The following ANKS1A variants were observed in gnomAD, a reference collection of about 807,000 sequenced individuals.
ANKS1A encodes ankyrin repeat and sterile alpha motif domain containing 1A.
A neutral mutation model predicts 120.3 loss-of-function variants in ANKS1A; 55 were observed. The ratio of observed to expected loss-of-function variants is 0.46; its 90% confidence interval spans 0.37 to 0.57. ANKS1A has a LOEUF of 0.57. Ranked by LOEUF, ANKS1A falls within the 20% of genes least tolerant of loss-of-function variation. The pLI, the probability that ANKS1A is intolerant of heterozygous loss-of-function variation, is 0.00. For missense variants in ANKS1A, 1,123 were observed against 1,480.3 expected (o/e 0.76, Z 3.96); for synonymous variants, 590 against 604.7 (o/e 0.98, Z 0.36).
chr6:35,006,737 A>G (rs1029190197), intron 10 of ANKS1A, among the ~76,000 whole-genome samples: 5 of 152,246 alleles, frequency 3.3e-5, no homozygotes, highest in Non-Finnish European at 5.9e-5. Flanking sequence ...CCTGGGTGAC[A>G]GAGCGAGACT....
intron 1 of ANKS1A, among the ~76,000 whole-genome samples, chr6:34,925,157 C>T (rs1350183961): frequency 6.6e-6 from 1 of 152,170 alleles, no homozygotes; most frequent in East Asian, 1.9e-4. Context: ...ATATTAACAT[C>T]TTGTTTTTTT....
At chr6:34,924,208 G>T (rs932781195) in intron 1 of ANKS1A, among the ~76,000 whole-genome samples, 3 of 152,000 alleles carry the variant, frequency 2.0e-5, no homozygotes, top group African/African-American at 4.8e-5. Flanking sequence ...GTTGGTCAGG[G>T]TGTGGTTTTT....
the ANKS1A span, among the ~76,000 whole-genome samples, chr6:35,096,804 T>A: frequency 1.3e-5 from 2 of 152,182 alleles, no homozygotes; most frequent in African/African-American, 4.8e-5. Flanking sequence ...CAGCCAGCTA[T>A]ATAATATGGC....
chr6:34,926,065 G>A (rs570654333), intron 1 of ANKS1A, among the ~76,000 whole-genome samples: 1 of 152,316 alleles, frequency 6.6e-6, no homozygotes, highest in Admixed American at 6.5e-5. Flanking sequence ...CTTGTTATAT[G>A]TGTTAACCTG....
intron 13 of ANKS1A, among the ~76,000 whole-genome samples, chr6:35,067,151 C>T (rs904770718): frequency 3.0e-4 from 45 of 152,252 alleles, no homozygotes; most frequent in African/African-American, 1.1e-3. Flanking sequence ...TATTTCCCAT[C>T]ATTATTAAGA....
In ANKS1A at chr6:35,085,840, G is replaced by T. The variant is rs541132748; in HGVS notation, c.3207G>T (p.Gln1069His). 5.0e-6 allele frequency: 8 copies of T among 1,613,624 alleles called. No individual in the cohort carries two copies. In the East Asian group the frequency reaches 1.6e-4, roughly 31 times the overall value. Residue 1069 changes from glutamine (Q) to histidine (H), a missense_variant, in exon 22 of 24, where the codon CAG becomes CAT. Gln to His is a conservative substitution (Grantham distance 24). This residue lies in a region of ANKS1A where 904 missense variants were observed against 1,130.4 expected (regional missense o/e 0.80). Coordinates refer to ENST00000360359, the MANE Select transcript of ANKS1A (RefSeq NM_015245.3). The surrounding 1 kb of genome is among the most constrained non-coding windows in gnomAD (Gnocchi z 4.7). ...EVAYQLALQA[Q>H]KSRATGASAA... is the part of the protein sequence containing the mutation. ...CCTATCAGTTGGCCCTGCAGGCCCA[G>T]AAGTCCAGGGCGACGGGCGCCTCTG...
chr6:35,048,160 G>C (rs1212226459), intron 11 of ANKS1A, among the ~76,000 whole-genome samples: 1 of 152,194 alleles, frequency 6.6e-6, no homozygotes, highest in Non-Finnish European at 1.5e-5. Context: ...GCTTTAATTG[G>C]AGCCTTTGTC....
chr6:35,025,934 G>A (rs1774603522), intron 11 of ANKS1A, among the ~76,000 whole-genome samples: 1 of 152,124 alleles, frequency 6.6e-6, no homozygotes, highest in African/African-American at 2.4e-5. Flanking sequence ...TGCAGCAAGA[G>A]GGCACCATCA....
At chr6:35,087,712 TTC>T (rs1778069882) in intron 23 of ANKS1A, among the ~76,000 whole-genome samples, 1 of 152,214 alleles carries the variant, frequency 6.6e-6, no homozygotes, top group Admixed American at 6.5e-5. Context: ...ACAGACTGCT[TTC>T]TGTGAGGGCC....
chr6:34,914,419 G>A (rs770530343), intron 1 of ANKS1A, among the ~76,000 whole-genome samples: 2 of 152,082 alleles, frequency 1.3e-5, no homozygotes, highest in Admixed American at 6.5e-5. Flanking sequence ...TCGTCACTTC[G>A]TAAATCACCC....
chr6:35,012,467 G>T lies in ANKS1A; in HGVS notation c.1424-5006G>T, dbSNP rs143579886. On this transcript the variant is annotated intron_variant, in intron 10 of 23. Coordinates refer to ENST00000360359, the MANE Select transcript of ANKS1A (RefSeq NM_015245.3). ...GCTCACTATAGTGACTAGGCAGCTG[G>T]AGGATTCCAATCCTAATGATACGGA... Among the ~76,000 whole-genome samples the T allele has an allele frequency of 3.5e-4, 54 of 152,312 alleles. No homozygotes were observed. In the East Asian group the frequency reaches 0.01, roughly 28 times the overall value.
chr6:35,062,357 T>C (rs1449529132), intron 13 of ANKS1A, among the ~76,000 whole-genome samples: 4 of 152,220 alleles, frequency 2.6e-5, no homozygotes, highest in Admixed American at 2.6e-4. Context: ...AGGCAAATTA[T>C]GTTTTAACAG....
chr6:35,070,198 G>A (rs113313715), intron 13 of ANKS1A, among the ~76,000 whole-genome samples: 1 of 152,076 alleles, frequency 6.6e-6, no homozygotes, highest in Non-Finnish European at 1.5e-5. Context: ...ACTATGACTG[G>A]TATTGGTGGC....
At chr6:35,017,429 C>T in intron 10 of ANKS1A, 44 bp from the exon 11 acceptor site, 2 of 1,536,868 alleles carry the variant, frequency 1.3e-6, no homozygotes, top group Non-Finnish European at 1.8e-6. Flanking sequence ...TTGATTTTTG[C>T]CACGTTTAAT....
At position 35,017,521 on chromosome 6, in the gene ANKS1A, A is replaced by G; in HGVS notation, c.1472A>G (p.Gln491Arg). ...SSRSQDSAEG[Q>R]DGQVPEQFSG... ...CGGAGCCAGGACTCTGCGGAGGGGCAGGACGGGCAGGTCCCAGAGCAGTTC... is the reference window on the plus strand; with the variant it reads ...CGGAGCCAGGACTCTGCGGAGGGGCGGGACGGGCAGGTCCCAGAGCAGTTC... The change falls in exon 11 of 24, where the codon CAG (glutamine) becomes CGG (arginine). Residue 491 changes from glutamine to arginine, a missense_variant. Gln to Arg is a conservative substitution (Grantham distance 43). Coordinates refer to ENST00000360359, the MANE Select transcript of ANKS1A (RefSeq NM_015245.3). 6.2e-7 allele frequency: 1 copy of G among 1,613,884 alleles called. No homozygotes were observed. The highest frequency in any genetic ancestry group is 8.5e-7 in the Non-Finnish European group (1 of 1,179,896).
At chr6:34,945,564 C>G (rs934879654) in intron 1 of ANKS1A, among the ~76,000 whole-genome samples, 1 of 152,116 alleles carries the variant, frequency 6.6e-6, no homozygotes, top group Non-Finnish European at 1.5e-5. Context: ...TTTCTGGGCT[C>G]TCTATTCTGT....
At chr6:35,046,068 A>G (rs1238498737) in intron 11 of ANKS1A, among the ~76,000 whole-genome samples, 2 of 152,216 alleles carry the variant, frequency 1.3e-5, no homozygotes, top group Non-Finnish European at 2.9e-5. Flanking sequence ...AACATATTCT[A>G]CTAGCTAAGT....
intron 11 of ANKS1A, among the ~76,000 whole-genome samples, chr6:35,027,748 G>A (rs915482488): frequency 6.6e-6 from 1 of 152,100 alleles, no homozygotes; most frequent in Non-Finnish European, 1.5e-5. Flanking sequence ...GATCATGGAC[G>A]ACTACCCTCC....
At chr6:34,896,477 A>G (rs1460350975) in intron 1 of ANKS1A, among the ~76,000 whole-genome samples, 1 of 152,200 alleles carries the variant, frequency 6.6e-6, no homozygotes, top group African/African-American at 2.4e-5. Flanking sequence ...TCTCTAAAGC[A>G]GAGTGTGGTT....
Sources: allele counts gnomAD v4.1 joint callset (sites outside exome capture counted in the v4.1 genomes callset), GRCh38; gene constraint gnomAD v4.1.1; regional missense constraint gnomAD v4.1.1; non-coding constraint Gnocchi (gnomAD v3.1); transcripts MANE v1.5; gene names NCBI Gene and HGNC (gene_info 2026-07-23, HGNC 2026-07-21).